DNM1L: variants seen among roughly 807,000 people sequenced by gnomAD.
The protein encoded by DNM1L is dynamin 1L.
Under a neutral mutation model 92.8 loss-of-function variants are expected in DNM1L, and 33 were observed. That is an observed-to-expected ratio of 0.36 (90% CI 0.27 to 0.48). The LOEUF (loss-of-function observed/expected upper bound fraction) is 0.48, where lower values mean the gene tolerates loss of function less well. Among genes scored for constraint, DNM1L ranks in the 20% least tolerant of loss-of-function variants. The pLI is 0.99. For missense variants in DNM1L, 485 were observed against 888.8 expected (o/e 0.55, Z 5.78); for synonymous variants, 284 against 305.0 (o/e 0.93, Z 0.72).
intron 2 of DNM1L, chr12:32,706,853 G>T: frequency 2.8e-6 from 1 of 352,030 alleles, no homozygotes; most frequent in South Asian, 2.3e-5. Context: ...AAGAACTGAA[G>T]AATTAGCTGT....
At chr12:32,705,123 C>T (rs1952872816) in intron 2 of DNM1L, among the ~76,000 whole-genome samples, 1 of 151,696 alleles carries the variant, frequency 6.6e-6, no homozygotes, top group Admixed American at 6.6e-5. Context: ...CTGCCTCAGC[C>T]TCCTGAGTAG....
At chr12:32,722,688 C>T (rs894732580) in intron 9 of DNM1L, 55 bp downstream of exon 9, 7 of 1,381,162 alleles carry the variant, frequency 5.1e-6, no homozygotes, top group Admixed American at 3.5e-5. Flanking sequence ...GGTCACTTTT[C>T]CTTTTGTGAA....
chr12:32,682,129 T>A (rs1205093473), intron 1 of DNM1L, among the ~76,000 whole-genome samples: 1 of 152,096 alleles, frequency 6.6e-6, no homozygotes, highest in Non-Finnish European at 1.5e-5. Flanking sequence ...GTATTAAGAA[T>A]CACTTTGGTT....
intron 6 of DNM1L, among the ~76,000 whole-genome samples, chr12:32,714,629 T>G (rs1239891184): frequency 6.6e-6 from 1 of 152,064 alleles, no homozygotes; most frequent in Non-Finnish European, 1.5e-5. Flanking sequence ...GAGTAAATAA[T>G]GTTCATTTCA....
At position 32,744,800 on chromosome 12, in the gene DNM1L, A is replaced by C. The variant is rs1211520377; in HGVS notation, c.*1390A>C. On this transcript the variant is annotated 3_prime_UTR_variant, in exon 20 of 20. Transcript: ENST00000549701. ...AAGCTGCATTTATGGGGTAGTGATG[A>C]GGTTTAGAACATATACATATTTTGT... 1 of 457,618 alleles carries C rather than the reference A, an allele frequency of 2.2e-6. No homozygotes were observed. Among genetic ancestry groups the C allele is most frequent in the South Asian group, 1.6e-5 (1 of 63,340 alleles). The allele number at this position is 457,618 out of a possible 1,614,324, so 28.3% of individuals were successfully genotyped here.
intron 2 of DNM1L, 40 bp from the exon 3 acceptor site, chr12:32,707,327 T>C: frequency 6.5e-7 from 1 of 1,534,994 alleles, no homozygotes; most frequent in African/African-American, 1.4e-5. Flanking sequence ...TAAAAAGTAG[T>C]TTCCATAGTT....
intron 6 of DNM1L, among the ~76,000 whole-genome samples, chr12:32,716,244 G>C (rs1310193770): frequency 6.6e-6 from 1 of 150,842 alleles, no homozygotes; most frequent in African/African-American, 2.5e-5. Context: ...AAATTTGGTG[G>C]GGGGGGGTGG....
Position 32,732,454 on chromosome 12 carries a change from T to C in DNM1L, c.1446+511T>C, listed in dbSNP as rs562380622. On this transcript the variant is annotated intron_variant, in intron 12 of 19. Transcript: ENST00000549701. ...AAAAATGCTGAAATTGGCAGAAATA[T>C]GGGATAAGCATTTAAAATTGCCCTC... 133 of 450,538 alleles carry C rather than the reference T, an allele frequency of 3.0e-4. 1 individual carries two copies. The highest frequency in any genetic ancestry group is 2.3e-3 in the African/African-American group (116 of 49,714). 27.9% of individuals were successfully genotyped at this position (450,538 alleles called of 1,614,324 possible).
At chr12:32,735,313 G>C (rs1954797117) in intron 13 of DNM1L, among the ~76,000 whole-genome samples, 1 of 152,124 alleles carries the variant, frequency 6.6e-6, no homozygotes, top group Admixed American at 6.5e-5. Context: ...TTGGTAAGCT[G>C]TCCAGTTAGC....
intron 1 of DNM1L, 179 bp downstream of exon 1, chr12:32,679,644 G>C (rs1951727046): frequency 7.6e-7 from 1 of 1,322,894 alleles, no homozygotes; most frequent in Non-Finnish European, 9.6e-7. Context: ...CGCCCTCCCG[G>C]GGCAGCGTTG....
At chr12:32,727,178 A>G (rs1954206719) in intron 9 of DNM1L, 2 of 884,060 alleles carry the variant, frequency 2.3e-6, no homozygotes, top group Admixed American at 3.5e-5. Flanking sequence ...CTTCCTCTGT[A>G]GGTTCATAAA....
chr12:32,695,778 A>G (rs1002966827), intron 1 of DNM1L, among the ~76,000 whole-genome samples: 1 of 152,152 alleles, frequency 6.6e-6, no homozygotes, highest in African/African-American at 2.4e-5. Flanking sequence ...TCTTGGATAA[A>G]TTAAGTGAAT....
intron 19 of DNM1L, among the ~76,000 whole-genome samples, 177 bp downstream of exon 19, chr12:32,742,925 T>C (rs1955414287): frequency 1.5e-5 from 2 of 134,600 alleles, no homozygotes; most frequent in Non-Finnish European, 1.5e-5. Context: ...AGTGGGAGTC[T>C]GGCTCTGTCG....
At chr12:32,713,796 A>G (rs937609233) in intron 6 of DNM1L, among the ~76,000 whole-genome samples, 5 of 152,184 alleles carry the variant, frequency 3.3e-5, no homozygotes, top group South Asian at 2.1e-4. Flanking sequence ...CCCGGGCAAC[A>G]TAGACTCTGT....
intron 2 of DNM1L, among the ~76,000 whole-genome samples, chr12:32,702,225 C>T (rs968979640): frequency 5.5e-4 from 69 of 125,712 alleles, no homozygotes; most frequent in African/African-American, 1.9e-3. Context: ...CAGAGTGAGA[C>T]TCCGTCTCAA....
intron 4 of DNM1L, among the ~76,000 whole-genome samples, chr12:32,710,487 T>G (rs917543516): frequency 9.9e-5 from 15 of 151,990 alleles, no homozygotes; most frequent in African/African-American, 3.4e-4. Flanking sequence ...GACATGGTGG[T>G]GCACACCTTG....
At position 32,679,473 on chromosome 12, in the gene DNM1L, C is replaced by T; in HGVS notation, c.102+8C>T. 6.2e-7 allele frequency: 1 copy of T among 1,608,700 alleles called. No homozygotes were observed. On this transcript the variant is annotated splice_region_variant and intron_variant, in intron 1 of 19. Coordinates refer to ENST00000549701, the MANE Select transcript of DNM1L (RefSeq NM_012062.5). ...GTCGTAGTGGGAACGCAGGTGAGAGCAGCAGGCGGCGTTCGCTCGGGCCAG... is the reference window on the plus strand; with the variant it reads ...GTCGTAGTGGGAACGCAGGTGAGAGTAGCAGGCGGCGTTCGCTCGGGCCAG...
chr12:32,727,537 A>C, intron 9 of DNM1L: 20 of 536,908 alleles, frequency 3.7e-5, no homozygotes, highest in Non-Finnish European at 4.3e-5. Context: ...TGGAAAAAAA[A>C]ACCACTCTTA....
Position 32,745,284 on chromosome 12 carries a change from G to A in DNM1L, c.*1874G>A, listed in dbSNP as rs1158692953. 9.5e-6 allele frequency: 2 copies of A among 210,250 alleles called. No homozygotes were observed. The highest frequency in any genetic ancestry group is 1.6e-4 in the East Asian group (1 of 6,398). 13.0% of individuals were successfully genotyped at this position (210,250 alleles called of 1,614,324 possible). A position where few individuals can be genotyped will look rare whatever the true frequency, so the allele number is the denominator to read the frequency against. On this transcript the variant is annotated 3_prime_UTR_variant, in exon 20 of 20. Coordinates refer to ENST00000549701, the MANE Select transcript of DNM1L (RefSeq NM_012062.5). ...TTCTAGTCCTTTGAATTTGTAAGGG[G>A]AAAAAAAACAAAAACAAAAACTTAC... is the stretch of plus-strand genomic sequence containing the variant.
Sources: gnomAD v4.1 joint callset for allele counts (sites outside exome capture counted in the v4.1 genomes callset) on GRCh38, gnomAD v4.1.1 for gene constraint, MANE v1.5 for transcripts, NCBI Gene and HGNC (gene_info 2026-07-23, HGNC 2026-07-21) for gene names.